THADA: variants seen among roughly 807,000 people sequenced by gnomAD.
The protein encoded by THADA is tRNA (32-2'-O)-methyltransferase regulator THADA.
In THADA, 213 loss-of-function variants were observed where a neutral mutation model predicts 219.8. That is an observed-to-expected ratio of 0.97 (90% CI 0.87 to 1.09). The LOEUF (loss-of-function observed/expected upper bound fraction) is 1.09. Among genes scored for constraint, THADA ranks in the 50% least tolerant of loss-of-function variants. The probability of loss-of-function intolerance (pLI) is 0.00; values close to 1 mark genes in which losing one functional copy is unlikely to be tolerated. For synonymous variants in THADA, 1,018 were observed against 828.9 expected, an observed-to-expected ratio of 1.23 and a Z score of -3.92; for missense variants, 2,956 against 2,311.3, an observed-to-expected ratio of 1.28 and a Z score of -5.72.
chr2:43,479,504 G>A (rs1438172170), intron 26 of THADA, among the ~76,000 whole-genome samples: 1 of 151,840 alleles, frequency 6.6e-6, no homozygotes, highest in Non-Finnish European at 1.5e-5. Flanking sequence ...ACACACTCTA[G>A]AGAAAGAGTT....
intron 29 of THADA, among the ~76,000 whole-genome samples, chr2:43,376,226 C>A (rs957919165): frequency 7.2e-5 from 11 of 152,308 alleles, no homozygotes; most frequent in Middle Eastern, 3.4e-3. Flanking sequence ...GACACAAGGA[C>A]ACTCTGCTGT....
chr2:43,493,893 G>A (rs1432880688), intron 25 of THADA, among the ~76,000 whole-genome samples: 1 of 152,010 alleles, frequency 6.6e-6, no homozygotes, highest in Non-Finnish European at 1.5e-5. Flanking sequence ...CTTCCCTCTT[G>A]CTATCTTACA....
intron 34 of THADA, among the ~76,000 whole-genome samples, chr2:43,290,260 C>T (rs1404692678): frequency 6.6e-6 from 1 of 151,836 alleles, no homozygotes; most frequent in Non-Finnish European, 1.5e-5. Context: ...GTGTGAACCA[C>T]CATGTCTGGC....
intron 36 of THADA, among the ~76,000 whole-genome samples, chr2:43,246,995 G>C (rs1669224788): frequency 6.6e-6 from 1 of 152,234 alleles, no homozygotes; most frequent in African/African-American, 2.4e-5. Context: ...CAAGACTCTG[G>C]GTTTTGGGCC....
chr2:43,435,972 C>T (rs916624489), intron 26 of THADA, among the ~76,000 whole-genome samples: 8 of 151,880 alleles, frequency 5.3e-5, no homozygotes, highest in African/African-American at 1.9e-4. Context: ...CCAAAAGAGC[C>T]CTAGGAAATT....
At chr2:43,459,731 T>C (rs1198295911) in intron 26 of THADA, among the ~76,000 whole-genome samples, 2 of 152,166 alleles carry the variant, frequency 1.3e-5, no homozygotes, top group Non-Finnish European at 2.9e-5. Flanking sequence ...CATAGGTCCA[T>C]ACTGGCTATT....
intron 26 of THADA, among the ~76,000 whole-genome samples, chr2:43,471,464 A>C (rs1036966568): frequency 1.3e-5 from 2 of 152,132 alleles, no homozygotes; most frequent in African/African-American, 4.8e-5. Flanking sequence ...CTGGGAAGTC[A>C]AGACTGCAGT....
chr2:43,350,641 G>A (rs529088688), intron 29 of THADA, among the ~76,000 whole-genome samples: 4 of 152,310 alleles, frequency 2.6e-5, no homozygotes, highest in Admixed American at 1.3e-4. Flanking sequence ...CAGCCCAACT[G>A]GGCTAGAGCC....
At chr2:43,305,577 G>A (rs779756155) in intron 31 of THADA, among the ~76,000 whole-genome samples, 2 of 152,122 alleles carry the variant, frequency 1.3e-5, no homozygotes, top group African/African-American at 2.4e-5. Flanking sequence ...ATTCCCGATC[G>A]GCTGCTGAGG....
chr2:43,275,192 A>G (rs1672592869), intron 36 of THADA, among the ~76,000 whole-genome samples: 1 of 151,986 alleles, frequency 6.6e-6, no homozygotes, highest in Non-Finnish European at 1.5e-5. Context: ...TTTATTAGAA[A>G]TGGGGTTTCA....
chr2:43,302,937 AAAACTAAG>A (rs907015893), intron 31 of THADA, among the ~76,000 whole-genome samples: 3 of 152,062 alleles, frequency 2.0e-5, no homozygotes, highest in Non-Finnish European at 2.9e-5. Flanking sequence ...CTAAAAACTA[AAAACTAAG>A]AAACTAAAAA....
intron 36 of THADA, among the ~76,000 whole-genome samples, chr2:43,257,050 T>C (rs1191950819): frequency 6.6e-6 from 1 of 152,138 alleles, no homozygotes; most frequent in African/African-American, 2.4e-5. Flanking sequence ...TCTTCCCAGA[T>C]GGGAAAACGC....
chr2:43,440,220 T>G (rs1207742303), intron 26 of THADA, among the ~76,000 whole-genome samples: 1 of 152,188 alleles, frequency 6.6e-6, no homozygotes, highest in African/African-American at 2.4e-5. Context: ...TTCTGCACCT[T>G]GAGTTTTTTT....
chr2:43,586,505 A>G, intron 6 of THADA, 56 bp from the exon 7 acceptor site: 1 of 1,433,410 alleles, frequency 7.0e-7, no homozygotes, highest in Admixed American at 2.6e-5. Context: ...CTCAATTTCA[A>G]TAAAATAAAA....
chr2:43,388,623 C>A (rs573227858), intron 29 of THADA, among the ~76,000 whole-genome samples: 2 of 152,160 alleles, frequency 1.3e-5, no homozygotes, highest in Non-Finnish European at 2.9e-5. Flanking sequence ...GGAATAACAA[C>A]CTGATAGGCA....
intron 7 of THADA, among the ~76,000 whole-genome samples, chr2:43,582,185 T>A (rs1177621268): frequency 6.6e-6 from 1 of 152,102 alleles, no homozygotes; most frequent in Non-Finnish European, 1.5e-5. Flanking sequence ...AGGGCAAAGA[T>A]AAGAAATCAA....
At chr2:43,368,731 C>A (rs948248288) in intron 29 of THADA, among the ~76,000 whole-genome samples, 2 of 152,064 alleles carry the variant, frequency 1.3e-5, no homozygotes, top group South Asian at 4.2e-4. Context: ...TTGATAACTT[C>A]CTTTTAATTT....
chr2:43,279,641 G>T, intron 36 of THADA, 124 bp downstream of exon 36: 1 of 1,246,892 alleles, frequency 8.0e-7, no homozygotes, highest in Non-Finnish European at 1.1e-6. Flanking sequence ...CACTAAGATG[G>T]CAGAGTTGAG....
intron 36 of THADA, among the ~76,000 whole-genome samples, chr2:43,247,203 G>A (rs1361537117): frequency 6.6e-6 from 1 of 152,158 alleles, no homozygotes. Context: ...CTACTTTTCA[G>A]TGAATGTTAA....
Sources: allele counts gnomAD v4.1 joint callset (sites outside exome capture counted in the v4.1 genomes callset), GRCh38; gene constraint gnomAD v4.1.1; transcripts MANE v1.5; gene names NCBI Gene and HGNC (gene_info 2026-07-23, HGNC 2026-07-21).